The following LRP6 variants were observed in gnomAD, a reference collection of about 807,000 sequenced individuals.
LRP6 encodes low-density lipoprotein receptor-related protein 6.
Under a neutral mutation model 184.1 loss-of-function variants are expected in LRP6, and 43 were observed. The observed-to-expected ratio is 0.23, with a 90% CI of 0.18 to 0.30. LRP6 has a LOEUF of 0.30. Among genes scored for constraint, LRP6 ranks in the 10% least tolerant of loss-of-function variants. The pLI, the probability that LRP6 is intolerant of heterozygous loss-of-function variation, is 1.00. For missense variants in LRP6, 1,571 were observed against 2,005.3 expected (o/e 0.78, Z 4.14); for synonymous variants, 719 against 684.9 (o/e 1.05, Z -0.78).
chr12:12,180,418 C>T (rs10492120), intron 6 of LRP6, among the ~76,000 whole-genome samples: 89,791 of 151,728 alleles, frequency 0.59, 27,343 homozygotes, highest in East Asian at 0.77. Flanking sequence ...GTGATTCTTA[C>T]GGCTCCTGGA....
intron 12 of LRP6, 44 bp downstream of exon 12, chr12:12,158,784 TG>T (rs1862662465): frequency 6.3e-7 from 1 of 1,582,246 alleles, no homozygotes. Flanking sequence ...TTGAAAATGC[TG>T]CTTTCTCTCA....
chr12:12,226,767 TAG>T (rs1864635301), intron 2 of LRP6: 1 of 152,222 alleles, frequency 6.6e-6, no homozygotes, highest in Non-Finnish European at 1.5e-5. Context: ...CGTGAAGCGT[TAG>T]TATTTTTATA....
intron 7 of LRP6, among the ~76,000 whole-genome samples, chr12:12,175,849 G>A (rs1240353973): frequency 6.6e-6 from 1 of 151,632 alleles, no homozygotes; most frequent in African/African-American, 2.4e-5. Flanking sequence ...TCAGTTAAAT[G>A]GGTATATAAC....
At chr12:12,266,552 CACG>C in intron 1 of LRP6, 126 bp downstream of exon 1, 1 of 839,956 alleles carries the variant, frequency 1.2e-6, no homozygotes, top group South Asian at 1.6e-5. Flanking sequence ...TCCCCCTCCC[CACG>C]ACCAGGCCTC....
intron 7 of LRP6, among the ~76,000 whole-genome samples, chr12:12,170,369 T>C (rs1377583682): frequency 6.6e-6 from 1 of 152,092 alleles, no homozygotes. Flanking sequence ...TTTAATAGTA[T>C]ACTTTATTTA....
At chr12:12,125,219 TG>T in intron 21 of LRP6, 76 bp downstream of exon 21, 1 of 1,552,700 alleles carries the variant, frequency 6.4e-7, no homozygotes, top group Non-Finnish European at 8.9e-7. Context: ...TTACTATCAC[TG>T]ATCACCCACA....
At chr12:12,191,005 T>A (rs1293702377) in intron 3 of LRP6, among the ~76,000 whole-genome samples, 1 of 152,134 alleles carries the variant, frequency 6.6e-6, no homozygotes, top group Non-Finnish European at 1.5e-5. Context: ...CATTAAGATA[T>A]GACTGATATT....
chr12:12,206,537 C>A, intron 2 of LRP6, among the ~76,000 whole-genome samples: 1 of 66,234 alleles, frequency 1.5e-5, no homozygotes, highest in Non-Finnish European at 2.9e-5. Flanking sequence ...AGCGAGACTC[C>A]ATCTCAAAAA....
intron 1 of LRP6, among the ~76,000 whole-genome samples, chr12:12,247,976 G>C (rs1247797933): frequency 1.3e-5 from 2 of 152,246 alleles, no homozygotes; most frequent in South Asian, 4.1e-4. Flanking sequence ...TAATTTCCAT[G>C]CCCTGAATCC....
chr12:12,225,857 G>GA (rs1002653156), intron 2 of LRP6, among the ~76,000 whole-genome samples: 1 of 147,928 alleles, frequency 6.8e-6, no homozygotes. Flanking sequence ...AGGCGACAGA[G>GA]AAAGACTGTG....
intron 15 of LRP6, among the ~76,000 whole-genome samples, chr12:12,140,438 AAAGCTCCAAAATAGGAAAATG>A (rs1949912886): frequency 6.6e-6 from 1 of 152,050 alleles, no homozygotes; most frequent in Admixed American, 6.6e-5. Context: ...ATAAAAATAA[AAAGCTCCAAAATAGGAAAATG>A]AAAAATAAAT....
chr12:12,147,424 C>A lies in LRP6; in HGVS notation c.3339G>T (p.Leu1113=). Residue 1113 remains leucine, a synonymous_variant, in exon 15 of 23, where the codon CTG becomes CTT. Transcript: ENST00000261349. ...CTGAATCAGCCCAAAAGAGCTTGCC[C>A]AGCCTGCTATCAAGGGCTAAAGCAA... ...KPIALALDSR[L]GKLFWADSDL... 6.2e-7 allele frequency: 1 copy of A among 1,614,152 alleles called. No homozygotes were observed. Among genetic ancestry groups the A allele is most frequent in the Admixed American group, 1.7e-5 (1 of 60,022 alleles).
At chr12:12,246,428 C>G (rs942938510) in intron 1 of LRP6, among the ~76,000 whole-genome samples, 1 of 151,860 alleles carries the variant, frequency 6.6e-6, no homozygotes, top group Non-Finnish European at 1.5e-5. Flanking sequence ...AAAAGTAAGA[C>G]CAAGCCAGGC....
At chr12:12,158,126 G>GCAAAA (rs1565576253) in intron 12 of LRP6, among the ~76,000 whole-genome samples, 1 of 152,064 alleles carries the variant, frequency 6.6e-6, no homozygotes, top group Non-Finnish European at 1.5e-5. Flanking sequence ...GTTCTCATAC[G>GCAAAA]CGTTTTCTGT....
intron 5 of LRP6, among the ~76,000 whole-genome samples, chr12:12,182,730 A>G (rs1863373239): frequency 6.6e-6 from 1 of 152,224 alleles, no homozygotes; most frequent in Non-Finnish European, 1.5e-5. Context: ...AAGTAGGAAT[A>G]ACTTTGTACA....
At chr12:12,167,641 CAA>C (rs375921278) in intron 7 of LRP6, among the ~76,000 whole-genome samples, 8 of 118,832 alleles carry the variant, frequency 6.7e-5, no homozygotes, top group Admixed American at 8.7e-5. Context: ...GACTCTGTCT[CAA>C]AAAAAAAAAA....
Position 12,121,037 on chromosome 12 carries a change from T to A in LRP6, c.*89A>T. 8.3e-7 allele frequency: 1 copy of A among 1,202,520 alleles called. No individual in the cohort carries two copies. Among genetic ancestry groups the A allele is most frequent in the Non-Finnish European group, 1.1e-6 (1 of 869,662 alleles). 74.5% of individuals were successfully genotyped at this position (1,202,520 alleles called of 1,614,324 possible). A position where few individuals can be genotyped will look rare whatever the true frequency, so the allele number is the denominator to read the frequency against. ...CTGTACATGGTCTGCCTCATCCTTCTCTAATAGCTCCCTCCCCCCCTCCAG... is the reference window on the plus strand; with the variant it reads ...CTGTACATGGTCTGCCTCATCCTTCACTAATAGCTCCCTCCCCCCCTCCAG... On this transcript the variant is annotated 3_prime_UTR_variant, in exon 23 of 23. Transcript: ENST00000261349.
chr12:12,193,513 G>A (rs1417773339), intron 3 of LRP6, among the ~76,000 whole-genome samples: 22 of 151,090 alleles, frequency 1.5e-4, no homozygotes, highest in East Asian at 1.9e-4. Context: ...AAAAAAAGAC[G>A]CAAATTGTGA....
At chr12:12,169,918 C>A (rs1862986288) in intron 7 of LRP6, among the ~76,000 whole-genome samples, 1 of 152,110 alleles carries the variant, frequency 6.6e-6, no homozygotes, top group African/African-American at 2.4e-5. Context: ...TTGTTCTCAT[C>A]TGGTGTAGTT....
Sources: gnomAD v4.1 joint callset for allele counts (sites outside exome capture counted in the v4.1 genomes callset) on GRCh38, gnomAD v4.1.1 for gene constraint, MANE v1.5 for transcripts, NCBI Gene and HGNC (gene_info 2026-07-23, HGNC 2026-07-21) for gene names.